Variants in QTMAN observed in about 807,000 individuals in gnomAD.
The protein encoded by QTMAN is queuosine-tRNA mannosyltransferase, also known as tRNA-queuosine alpha-mannosyltransferase.
At chr2:144,049,064 T>G in the QTMAN span, among the ~76,000 whole-genome samples, 1 of 151,292 alleles carries the variant, frequency 6.6e-6, no homozygotes, top group Non-Finnish European at 1.5e-5. Context: ...CTTGGTAATG[T>G]ATGCTGAATA....
chr2:144,252,482 G>C, the QTMAN span, among the ~76,000 whole-genome samples: 1 of 152,126 alleles, frequency 6.6e-6, no homozygotes, highest in East Asian at 1.9e-4. Flanking sequence ...CATATGAAAA[G>C]ATGCCCAAAT....
the QTMAN span, among the ~76,000 whole-genome samples, chr2:144,162,669 T>C: frequency 6.6e-6 from 1 of 152,040 alleles, no homozygotes; most frequent in Non-Finnish European, 1.5e-5. Flanking sequence ...GCTGATCTCA[T>C]GGCAACTGGC....
chr2:143,958,210 C>A, the QTMAN span, among the ~76,000 whole-genome samples: 6 of 152,014 alleles, frequency 3.9e-5, no homozygotes, highest in Admixed American at 3.9e-4. Context: ...CATGTGTCAT[C>A]TATAATTTCC....
the QTMAN span, among the ~76,000 whole-genome samples, chr2:144,285,965 C>T: frequency 6.6e-6 from 1 of 152,116 alleles, no homozygotes; most frequent in Non-Finnish European, 1.5e-5. Flanking sequence ...GCCTTTCTAT[C>T]AAGTAATAAA....
At chr2:144,317,522 T>G in the QTMAN span, 1 of 152,244 alleles carries the variant, frequency 6.6e-6, no homozygotes, top group Non-Finnish European at 1.5e-5. Context: ...AGTCCACGAA[T>G]GCCAGGATCA....
At chr2:144,001,831 A>T in the QTMAN span, among the ~76,000 whole-genome samples, 4 of 151,674 alleles carry the variant, frequency 2.6e-5, no homozygotes, top group Non-Finnish European at 5.9e-5. Flanking sequence ...AAAAAAAAAA[A>T]ATTAATATTC....
the QTMAN span, among the ~76,000 whole-genome samples, chr2:143,995,511 C>T: frequency 6.6e-6 from 1 of 152,076 alleles, no homozygotes; most frequent in East Asian, 1.9e-4. Context: ...CTTTAATCCT[C>T]AGAACAATTC....
the QTMAN span, among the ~76,000 whole-genome samples, chr2:144,021,768 G>GCA: frequency 1.3e-5 from 2 of 152,184 alleles, no homozygotes; most frequent in African/African-American, 4.8e-5. Flanking sequence ...ATGAGGCTCA[G>GCA]CAGGGAACAC....
the QTMAN span, among the ~76,000 whole-genome samples, chr2:144,202,555 T>C: frequency 2.0e-5 from 3 of 152,202 alleles, no homozygotes; most frequent in Admixed American, 6.5e-5. Context: ...AGCAAAACTA[T>C]GATGCTCCTT....
the QTMAN span, among the ~76,000 whole-genome samples, chr2:144,119,060 T>C: frequency 0.039 from 5,989 of 152,108 alleles, 168 homozygotes; most frequent in East Asian, 0.084. Context: ...ATCTTAATGT[T>C]TAAATACAGG....
At chr2:144,138,247 CA>C in the QTMAN span, among the ~76,000 whole-genome samples, 1 of 151,928 alleles carries the variant, frequency 6.6e-6, no homozygotes, top group Non-Finnish European at 1.5e-5. Flanking sequence ...ACGAACTGAC[CA>C]CAGGATTTAG....
the QTMAN span, among the ~76,000 whole-genome samples, chr2:143,979,380 T>A: frequency 6.6e-6 from 1 of 152,314 alleles, no homozygotes; most frequent in African/African-American, 2.4e-5. Flanking sequence ...CTCTCATTTT[T>A]ACAGCTGCAC....
the QTMAN span, among the ~76,000 whole-genome samples, chr2:144,074,706 G>A: frequency 6.6e-6 from 1 of 152,146 alleles, no homozygotes; most frequent in Non-Finnish European, 1.5e-5. Flanking sequence ...ACCACACGCA[G>A]ACAGTTAGTA....
the QTMAN span, among the ~76,000 whole-genome samples, chr2:144,245,336 T>C: frequency 6.6e-6 from 1 of 152,236 alleles, no homozygotes; most frequent in Non-Finnish European, 1.5e-5. Context: ...ACAAAACCTT[T>C]AACTAGTTCT....
At chr2:144,174,960 C>T in the QTMAN span, among the ~76,000 whole-genome samples, 1 of 152,072 alleles carries the variant, frequency 6.6e-6, no homozygotes, top group Admixed American at 6.6e-5. Context: ...TAATAAAAGA[C>T]AACATAAAAG....
At chr2:144,167,979 A>T in the QTMAN span, among the ~76,000 whole-genome samples, 1 of 152,118 alleles carries the variant, frequency 6.6e-6, no homozygotes, top group African/African-American at 2.4e-5. Context: ...CTTCTTAAAA[A>T]ACTTTCCTGT....
chr2:144,302,002 CAGTG>C, the QTMAN span, among the ~76,000 whole-genome samples: 1 of 152,188 alleles, frequency 6.6e-6, no homozygotes, highest in Non-Finnish European at 1.5e-5. Context: ...ACTGCTCAGT[CAGTG>C]AAAGTTGTGC....
chr2:144,111,052 C>A, the QTMAN span, among the ~76,000 whole-genome samples: 1 of 152,152 alleles, frequency 6.6e-6, no homozygotes, highest in African/African-American at 2.4e-5. Context: ...AGAAAATCAG[C>A]CAAGAGCAGT....
chr2:144,264,889 C>G, the QTMAN span, among the ~76,000 whole-genome samples: 1 of 152,164 alleles, frequency 6.6e-6, no homozygotes. Context: ...ATGTATCTTG[C>G]CAGGAGAGAA....
Sources: allele counts gnomAD v4.1 joint callset (sites outside exome capture counted in the v4.1 genomes callset), GRCh38; gene constraint gnomAD v4.1.1; transcripts MANE v1.5; gene names NCBI Gene and HGNC (gene_info 2026-07-23, HGNC 2026-07-21).